ATP2B2: variants seen among roughly 807,000 people sequenced by gnomAD.
ATP2B2 encodes ATPase plasma membrane Ca2+ transporting 2.
Under a neutral mutation model 120.0 loss-of-function variants are expected in ATP2B2, and 15 were observed. The observed-to-expected ratio is 0.12, with a 90% CI of 0.08 to 0.19. The LOEUF is 0.19. Among genes scored for constraint, ATP2B2 ranks in the 10% least tolerant of loss-of-function variants. ATP2B2 has a pLI of 1.00. For missense variants in ATP2B2, 1,045 were observed against 1,719.8 expected (o/e 0.61, Z 6.94); for synonymous variants, 694 against 700.3 (o/e 0.99, Z 0.14).
At chr3:10,614,018 G>C (rs2069313215) in intron 2 of ATP2B2, among the ~76,000 whole-genome samples, 1 of 151,888 alleles carries the variant, frequency 6.6e-6, no homozygotes. Context: ...CCTCATTCCA[G>C]CCTGAAAGGT....
At chr3:10,358,981 T>G (rs565921999) in intron 13 of ATP2B2, 56 bp from the exon 14 acceptor site, 34 of 1,548,858 alleles carry the variant, frequency 2.2e-5, no homozygotes, top group Non-Finnish European at 3.0e-5. Context: ...TCTGAAAGGC[T>G]TAGAGACCAC....
intron 2 of ATP2B2, among the ~76,000 whole-genome samples, chr3:10,554,902 C>T (rs2067746113): frequency 6.6e-6 from 1 of 152,192 alleles, no homozygotes; most frequent in African/African-American, 2.4e-5. Context: ...GTTGAGGCTA[C>T]TGAGGCCACC....
At chr3:10,557,157 A>C (rs528370078) in intron 2 of ATP2B2, among the ~76,000 whole-genome samples, 1 of 152,228 alleles carries the variant, frequency 6.6e-6, no homozygotes, top group South Asian at 2.1e-4. Context: ...CTCTGCTCTG[A>C]GATGCAGAGG....
intron 3 of ATP2B2, among the ~76,000 whole-genome samples, chr3:10,405,442 A>G (rs1195836271): frequency 1.3e-5 from 2 of 152,172 alleles, no homozygotes; most frequent in African/African-American, 4.8e-5. Context: ...GTGGGAGTGC[A>G]GATCGCTGGG....
intron 2 of ATP2B2, among the ~76,000 whole-genome samples, chr3:10,547,826 A>T (rs2067585078): frequency 6.6e-6 from 1 of 152,246 alleles, no homozygotes; most frequent in Non-Finnish European, 1.5e-5. Flanking sequence ...GAATCTCCCC[A>T]GGAAATTTCT....
chr3:10,501,407 G>A (rs1357767282), intron 1 of ATP2B2, among the ~76,000 whole-genome samples: 2 of 139,972 alleles, frequency 1.4e-5, no homozygotes, highest in Non-Finnish European at 1.5e-5. Context: ...GTCTCGCTCT[G>A]TCATCCAGGC....
At chr3:10,608,747 T>C (rs368222829) in intron 2 of ATP2B2, among the ~76,000 whole-genome samples, 5 of 152,298 alleles carry the variant, frequency 3.3e-5, no homozygotes, top group African/African-American at 1.2e-4. Context: ...GGCCTCTTCC[T>C]CCCCTGGCCA....
intron 5 of ATP2B2, among the ~76,000 whole-genome samples, chr3:10,392,809 T>C (rs2061898367): frequency 6.6e-6 from 1 of 152,354 alleles, no homozygotes; most frequent in Non-Finnish European, 1.5e-5. Flanking sequence ...GACCTCAGTT[T>C]TGTCATCTGT....
chr3:10,373,751 ATTT>A (rs59398170), intron 11 of ATP2B2, among the ~76,000 whole-genome samples: 2,175 of 152,140 alleles, frequency 0.014, 53 homozygotes, highest in African/African-American at 0.049. Flanking sequence ...AAATTATTTT[ATTT>A]TGTAGAGATG....
intron 2 of ATP2B2, among the ~76,000 whole-genome samples, chr3:10,598,279 G>T (rs1242716183): frequency 1.3e-5 from 2 of 152,174 alleles, no homozygotes; most frequent in African/African-American, 2.4e-5. Context: ...GAGTCCCTGG[G>T]TTCAAATTCC....
intron 1 of ATP2B2, among the ~76,000 whole-genome samples, chr3:10,493,443 G>A (rs996646779): frequency 3.3e-5 from 5 of 152,218 alleles, no homozygotes; most frequent in South Asian, 2.1e-4. Flanking sequence ...GGCAGTAAAC[G>A]AGAGGAAAGC....
chr3:10,656,604 C>A (rs1402164702), intron 1 of ATP2B2, among the ~76,000 whole-genome samples: 2 of 152,252 alleles, frequency 1.3e-5, no homozygotes, highest in Non-Finnish European at 2.9e-5. Context: ...TTGTGTCAGG[C>A]ACTGCTAAAG....
At chr3:10,698,480 G>A (rs950758602) in intron 1 of ATP2B2, among the ~76,000 whole-genome samples, 12 of 152,192 alleles carry the variant, frequency 7.9e-5, no homozygotes, top group African/African-American at 2.9e-4. Flanking sequence ...CCAATTCACT[G>A]AAGTCAAAAG....
intron 2 of ATP2B2, among the ~76,000 whole-genome samples, chr3:10,601,855 A>C (rs529492255): frequency 3.9e-4 from 60 of 152,284 alleles, no homozygotes; most frequent in Non-Finnish European, 5.0e-4. Context: ...GCCATCCCCC[A>C]AGTCCCTTCC....
intron 2 of ATP2B2, among the ~76,000 whole-genome samples, chr3:10,438,015 G>A (rs1448854756): frequency 6.6e-6 from 1 of 152,206 alleles, no homozygotes; most frequent in African/African-American, 2.4e-5. Flanking sequence ...GTCTTTGGAT[G>A]GCGTGGCTGA....
intron 3 of ATP2B2, among the ~76,000 whole-genome samples, chr3:10,529,783 C>T (rs7637108): frequency 0.39 from 58,989 of 151,968 alleles, 11,897 homozygotes; most frequent in East Asian, 0.64. Flanking sequence ...AATGAGGCCA[C>T]TAGAATGGGC....
At chr3:10,533,901 C>T (rs2067258150) in intron 3 of ATP2B2, 1 of 152,226 alleles carries the variant, frequency 6.6e-6, no homozygotes, top group Admixed American at 6.5e-5. Flanking sequence ...TACACATGTC[C>T]CCAATAGGAT....
chr3:10,342,903 C>G lies in ATP2B2; in HGVS notation c.2766G>C (p.Ser922=). 6.2e-7 allele frequency: 1 copy of G among 1,614,062 alleles called. No homozygotes were observed. The highest frequency in any genetic ancestry group is 1.6e-4 in the Middle Eastern group (1 of 6,062). ...WVNLIMDTFA[S]LALATEPPTE... is the part of the protein sequence containing the mutation. The stretch of plus-strand genomic sequence containing the variant: ...TGGGCGGCTCAGTGGCCAGTGCCAG[C>G]GAGGCAAACGTGTCCATGATGAGGT... Residue 922 remains serine, a synonymous_variant, in exon 19 of 23, where the codon TCG becomes TCC. Transcript: ENST00000360273. The surrounding 1 kb of genome is among the most constrained non-coding windows in gnomAD (Gnocchi z 4.4).
chr3:10,656,864 C>T (rs1424796923), intron 1 of ATP2B2, among the ~76,000 whole-genome samples: 1 of 152,176 alleles, frequency 6.6e-6, no homozygotes, highest in Non-Finnish European at 1.5e-5. Context: ...AGTTTCTTCC[C>T]CTAGAAGAGG....
Sources: gnomAD v4.1 joint callset for allele counts (sites outside exome capture counted in the v4.1 genomes callset) on GRCh38, gnomAD v4.1.1 for gene constraint, Gnocchi (gnomAD v3.1) non-coding constraint, MANE v1.5 for transcripts, NCBI Gene and HGNC (gene_info 2026-07-23, HGNC 2026-07-21) for gene names.